CMSS1: variants seen among roughly 807,000 people sequenced by gnomAD.
The protein encoded by CMSS1 is cms1 ribosomal small subunit homolog.
A neutral mutation model predicts 43.5 loss-of-function variants in CMSS1; 33 were observed. The observed-to-expected ratio is 0.76, with a 90% confidence interval of 0.57 to 1.01. The LOEUF is 1.01. CMSS1 is among the 50% of genes least tolerant of loss of function. The pLI is 0.00. For missense variants in CMSS1, 313 were observed against 326.4 expected (o/e 0.96, Z 0.32); for synonymous variants, 115 against 117.2 (o/e 0.98, Z 0.12).
At chr3:100,152,932 T>C (rs1300529166) in intron 2 of CMSS1, among the ~76,000 whole-genome samples, 2 of 152,240 alleles carry the variant, frequency 1.3e-5, no homozygotes, top group Admixed American at 1.3e-4. Context: ...CACTTTACTT[T>C]TGACACATTT....
intron 1 of CMSS1, among the ~76,000 whole-genome samples, chr3:100,038,384 T>C (rs538099118): frequency 4.6e-5 from 7 of 152,336 alleles, no homozygotes; most frequent in African/African-American, 1.7e-4. Context: ...AAATAAGATA[T>C]TGAATTATCC....
intron 1 of CMSS1, chr3:99,898,025 A>G (rs1300712757): frequency 6.6e-6 from 1 of 151,942 alleles, no homozygotes; most frequent in Non-Finnish European, 1.5e-5. Flanking sequence ...ATTTTCTCAC[A>G]TTGGTTTTTT....
At chr3:100,140,633 T>C (rs2107506853) in intron 1 of CMSS1, among the ~76,000 whole-genome samples, 1 of 152,270 alleles carries the variant, frequency 6.6e-6, no homozygotes, top group South Asian at 2.1e-4. Context: ...ATTATAGGCG[T>C]GAGCTACAAC....
chr3:100,140,159 A>T (rs902710610), intron 1 of CMSS1, among the ~76,000 whole-genome samples: 2 of 152,244 alleles, frequency 1.3e-5, no homozygotes, highest in African/African-American at 4.8e-5. Context: ...CTTGCCCAAC[A>T]TCACACAACT....
intron 1 of CMSS1, among the ~76,000 whole-genome samples, chr3:100,048,565 G>C (rs9851645): frequency 0.18 from 27,575 of 152,182 alleles, 2,897 homozygotes; most frequent in South Asian, 0.25. Flanking sequence ...CACAGTGTCA[G>C]GGGAGAAACT....
chr3:99,850,834 A>G (rs766990305), intron 1 of CMSS1: 1 of 1,613,002 alleles, frequency 6.2e-7, no homozygotes, highest in Non-Finnish European at 8.5e-7. Context: ...TTCCTCCTGA[A>G]CTCTGGCTTC....
chr3:99,831,913 T>C (rs1372892044), intron 1 of CMSS1, among the ~76,000 whole-genome samples: 1 of 152,236 alleles, frequency 6.6e-6, no homozygotes, highest in Non-Finnish European at 1.5e-5. Context: ...CACCTGGAAC[T>C]CTAGCCTACC....
intron 1 of CMSS1, among the ~76,000 whole-genome samples, chr3:99,978,260 G>T (rs910130537): frequency 3.3e-5 from 5 of 152,082 alleles, no homozygotes; most frequent in African/African-American, 9.7e-5. Flanking sequence ...TTAAAAAAAT[G>T]AATCCAGCAA....
At chr3:100,124,402 G>A (rs1576088044) in intron 1 of CMSS1, among the ~76,000 whole-genome samples, 1 of 152,196 alleles carries the variant, frequency 6.6e-6, no homozygotes, top group South Asian at 2.1e-4. Flanking sequence ...TTCAGCTACA[G>A]GCATCAGTGT....
At chr3:100,141,617 T>C (rs1182015426) in intron 1 of CMSS1, 2 of 451,862 alleles carry the variant, frequency 4.4e-6, no homozygotes, top group Non-Finnish European at 4.4e-6. Context: ...CAGATACTTA[T>C]CAAAAAGAAG....
chr3:99,821,617 T>G (rs1006585297), intron 1 of CMSS1, among the ~76,000 whole-genome samples: 10 of 152,220 alleles, frequency 6.6e-5, no homozygotes, highest in African/African-American at 2.4e-4. Flanking sequence ...GTGAAAATAT[T>G]AATGCTGAAA....
chr3:99,934,370 G>A (rs948228841), intron 1 of CMSS1, among the ~76,000 whole-genome samples: 4 of 152,190 alleles, frequency 2.6e-5, no homozygotes, highest in African/African-American at 7.2e-5. Context: ...AAAGAGGAGC[G>A]AAATATATTT....
chr3:99,921,374 A>G (rs1262368013), intron 1 of CMSS1, among the ~76,000 whole-genome samples: 2 of 152,206 alleles, frequency 1.3e-5, no homozygotes, highest in African/African-American at 2.4e-5. Context: ...TAAAGCAGAT[A>G]GAAGTCAGTT....
At chr3:99,869,374 C>A (rs1944675088) in intron 1 of CMSS1, among the ~76,000 whole-genome samples, 1 of 152,164 alleles carries the variant, frequency 6.6e-6, no homozygotes, top group Non-Finnish European at 1.5e-5. Context: ...AAGTTACTCT[C>A]ACTTTTATTT....
At chr3:100,101,010 C>CT (rs2066295327) in intron 1 of CMSS1, among the ~76,000 whole-genome samples, 1 of 152,148 alleles carries the variant, frequency 6.6e-6, no homozygotes, top group East Asian at 1.9e-4. Context: ...AGTGGCATCT[C>CT]ACTTGCATGC....
chr3:100,178,385 C>CTAAG lies in CMSS1; in HGVS notation c.839_*2dup. 13 of 1,605,188 alleles carry CTAAG rather than the reference C, an allele frequency of 8.1e-6. No individual in the cohort carries two copies. Among genetic ancestry groups the CTAAG allele is most frequent in the Non-Finnish European group, 1.1e-5 (13 of 1,172,164 alleles). The stretch of plus-strand genomic sequence containing the variant: ...CAGAATCCTTGAAACTGGGCCTTTT[C>CTAAG]TAAGTCTGTGTCCTAATGAAGATTC... On this transcript the variant is annotated frameshift_variant and stop_retained_variant, in exon 10 of 10. Coordinates refer to ENST00000421999, the MANE Select transcript of CMSS1 (RefSeq NM_032359.4). LOFTEE classifies it high-confidence loss of function.
intron 2 of CMSS1, among the ~76,000 whole-genome samples, chr3:100,148,940 G>A (rs1034760865): frequency 2.6e-5 from 4 of 151,908 alleles, no homozygotes; most frequent in African/African-American, 4.8e-5. Flanking sequence ...TAACACATCC[G>A]TAGCTCTTCA....
chr3:99,893,887 C>T (rs1470488871), intron 1 of CMSS1, among the ~76,000 whole-genome samples: 1 of 152,148 alleles, frequency 6.6e-6, no homozygotes. Context: ...AAATCTGGCT[C>T]CCCCTTTGCC....
Position 99,982,344 on chromosome 3 carries a change from A to C in CMSS1, c.64+164301A>C, listed in dbSNP as rs1041800254. Among the ~76,000 whole-genome samples the C allele has an allele frequency of 5.7e-4, 85 of 149,848 alleles. 2 individuals are homozygous for C. The highest frequency in any genetic ancestry group is 5.9e-5 in the Non-Finnish European group (4 of 67,416). On this transcript the variant is annotated intron_variant, in intron 1 of 9. Transcript: ENST00000421999. ...TTCATTCACCATTAGGTAATTTTTT[A>C]CTTTTTTTTTTTTGAGACAGGGTCT... is the stretch of plus-strand genomic sequence containing the variant.
Sources: gnomAD v4.1 joint callset for allele counts (sites outside exome capture counted in the v4.1 genomes callset) on GRCh38, gnomAD v4.1.1 for gene constraint, MANE v1.5 for transcripts, NCBI Gene and HGNC (gene_info 2026-07-23, HGNC 2026-07-21) for gene names.